NBPF12: variants seen among roughly 807,000 people sequenced by gnomAD.
NBPF12 encodes the protein NBPF family member NBPF12.
NBPF12 carries 115 observed loss-of-function variants against 146.4 expected under a neutral mutation model. That is an observed-to-expected ratio of 0.79 (90% CI 0.68 to 0.92). The LOEUF is 0.92. NBPF12 is among the 40% of genes least tolerant of loss of function. The pLI is 0.00. For synonymous variants in NBPF12, 385 were observed against 508.9 expected, an observed-to-expected ratio of 0.76 and a Z score of 3.28; for missense variants, 1,205 against 1,326.8, an observed-to-expected ratio of 0.91 and a Z score of 1.43.
At chr1:146,965,901 A>C (rs1656171955) in intron 8 of NBPF12, among the ~76,000 whole-genome samples, 2 of 149,776 alleles carry the variant, frequency 1.3e-5, no homozygotes, top group African/African-American at 4.9e-5. Context: ...TGAGCTCAGG[A>C]GATCGAAACC....
In NBPF12 at chr1:146,993,582, G is replaced by T; in HGVS notation, c.4022-17G>T. ...GAATCAGCTTAATGTGTCTGTCCAT[G>T]TCTGAATTTATTGCAGAAATTGAAA... On this transcript the variant is annotated splice_polypyrimidine_tract_variant and intron_variant, in intron 32 of 33. Coordinates refer to ENST00000617844, the Ensembl canonical transcript of NBPF12. The T allele has an allele frequency of 2.5e-5, 1 of 40,356 alleles. No individual in the cohort carries two copies. Among genetic ancestry groups the T allele is most frequent in the South Asian group, 2.0e-4 (1 of 4,896 alleles). The allele number at this position is 40,356 out of a possible 1,614,324, so 2.5% of individuals were successfully genotyped here. A position where few individuals can be genotyped will look rare whatever the true frequency, so the allele number is the denominator to read the frequency against.
intron 23 of NBPF12, among the ~76,000 whole-genome samples, 178 bp from the exon 27 acceptor site, chr1:146,986,174 C>T (rs1483518574): frequency 6.7e-6 from 1 of 148,222 alleles, no homozygotes; most frequent in Non-Finnish European, 1.5e-5. Context: ...TCTTCTCTTT[C>T]ATTCTTTTCT....
chr1:146,968,626 T>A lies in NBPF12; in HGVS notation c.1091+76T>A, dbSNP rs71230969. On this transcript the variant is annotated intron_variant, in intron 10 of 33. Transcript: ENST00000617844. ...AAGTACAACAGCTCGGTGGGGAGAC[T>A]TAAGAGCTAAGCTGGGCCAGGGGAA... The A allele has an allele frequency of 1.5e-5, 21 of 1,363,508 alleles. No individual in the cohort carries two copies. The East Asian group carries it at 1.8e-4, about 12-fold the overall frequency. 84.5% of individuals were successfully genotyped at this position (1,363,508 alleles called of 1,614,324 possible).
At chr1:146,964,363 A>G (rs1656056163) in exon 7 of NBPF12, 4 of 1,602,664 alleles carry the variant, frequency 2.5e-6, no homozygotes, top group Non-Finnish European at 3.4e-6. Context: ...ATAGAAAATG[A>G]TGAAGATGAG....
intron 15 of NBPF12, among the ~76,000 whole-genome samples, chr1:146,975,312 G>T (rs1656915786): frequency 7.7e-6 from 1 of 129,254 alleles, no homozygotes; most frequent in African/African-American, 3.2e-5. Context: ...TTCTGTACAT[G>T]GCTTTGTATC....
chr1:146,987,759 G>GTC (rs1307714267), intron 25 of NBPF12, among the ~76,000 whole-genome samples, 195 bp from the exon 29 acceptor site: 1 of 151,406 alleles, frequency 6.6e-6, no homozygotes. Context: ...GTGTGTGTGT[G>GTC]TCTGTCTTTC....
At chr1:146,962,898 G>A (rs1178985360) in intron 5 of NBPF12, among the ~76,000 whole-genome samples, 197 bp from the exon 9 acceptor site, 1 of 151,084 alleles carries the variant, frequency 6.6e-6, no homozygotes, top group East Asian at 1.9e-4. Flanking sequence ...GATCTTGCAG[G>A]AGCCCTCTCT....
At chr1:146,953,503 C>G (rs1655413064) in intron 2 of NBPF12, among the ~76,000 whole-genome samples, 1 of 137,536 alleles carries the variant, frequency 7.3e-6, no homozygotes, top group Non-Finnish European at 1.5e-5. Context: ...GCCACCATGC[C>G]CGGCCTCTTT....
chr1:146,957,827 GA>G lies in NBPF12; in HGVS notation c.-183-2022del, dbSNP rs1208926833. On this transcript the variant is annotated intron_variant, in intron 2 of 33. Transcript: ENST00000617844. ...AGCCCTCGCTCCGCCACTTAAAAAA[GA>G]AAAAAAAAATATAATATATATATAT... Among the ~76,000 whole-genome samples the G allele has an allele frequency of 2.2e-3, 174 of 79,066 alleles. 20 individuals carry two copies. Among genetic ancestry groups the G allele is most frequent in the African/African-American group, 7.4e-3 (157 of 21,314 alleles). 51.9% of individuals were successfully genotyped at this position (79,066 alleles called of 152,430 possible).
At chr1:146,941,940 CCTCCA>C (rs1654826646) in intron 1 of NBPF12, among the ~76,000 whole-genome samples, 1 of 149,200 alleles carries the variant, frequency 6.7e-6, no homozygotes, top group African/African-American at 2.5e-5. Flanking sequence ...CTCACTGCCA[CCTCCA>C]CCTCCTGGCT....
chr1:146,957,645 C>T (rs1655652699), intron 2 of NBPF12: 1 of 132,366 alleles, frequency 7.6e-6, no homozygotes, highest in African/African-American at 2.7e-5. Flanking sequence ...TCCCGTCCGC[C>T]ACGAGGCTGT....
chr1:146,974,940 G>A (rs1656884903), intron 15 of NBPF12, 99 bp downstream of exon 18: 5 of 586,266 alleles, frequency 8.5e-6, no homozygotes, highest in Non-Finnish European at 1.4e-5. Context: ...TGGGCCAGGG[G>A]AAGGGCAGGA....
intron 10 of NBPF12, 29 bp downstream of exon 13, chr1:146,968,579 G>C (rs1417896307): frequency 1.3e-6 from 2 of 1,557,110 alleles, no homozygotes; most frequent in African/African-American, 1.4e-5. Context: ...GGCAGGCAGG[G>C]GGGCAGGTGT....
At chr1:146,995,921 GTC>G (rs1658513102) in exon 34 of NBPF12, 1 of 150,502 alleles carries the variant, frequency 6.6e-6, no homozygotes, top group South Asian at 2.1e-4. Flanking sequence ...CCCTGCCTGT[GTC>G]TATTATTATA....
intron 18 of NBPF12, among the ~76,000 whole-genome samples, chr1:146,978,331 C>T (rs1657180281): frequency 7.3e-6 from 1 of 137,874 alleles, no homozygotes; most frequent in Non-Finnish European, 1.5e-5. Flanking sequence ...GTGGCACCAT[C>T]TTGACTTGGT....
chr1:146,978,335 A>G (rs1290012064), intron 18 of NBPF12, among the ~76,000 whole-genome samples: 6 of 133,864 alleles, frequency 4.5e-5, no homozygotes, highest in Non-Finnish European at 9.2e-5. Flanking sequence ...CACCATCTTG[A>G]CTTGGTGCAA....
chr1:146,970,529 G>A (rs1327235715), intron 11 of NBPF12, 118 bp from the exon 15 acceptor site: 24 of 1,335,332 alleles, frequency 1.8e-5, no homozygotes, highest in Non-Finnish European at 6.4e-6. Flanking sequence ...TAAAACATGA[G>A]AGTTTTCAGT....
chr1:146,994,499 T>C, exon 34 of NBPF12: 1 of 1,609,392 alleles, frequency 6.2e-7, no homozygotes, highest in Admixed American at 1.7e-5. Context: ...GCCCTTGACA[T>C]GGACAATAGC....
intron 1 of NBPF12, among the ~76,000 whole-genome samples, chr1:146,939,727 C>G (rs1218634543): frequency 6.6e-6 from 1 of 151,796 alleles, no homozygotes; most frequent in African/African-American, 2.4e-5. Context: ...GAGCTGCTTT[C>G]GAAAGAAGCA....
Sources: gnomAD v4.1 joint callset for allele counts (sites outside exome capture counted in the v4.1 genomes callset) on GRCh38, gnomAD v4.1.1 for gene constraint, MANE v1.5 for transcripts, NCBI Gene and HGNC (gene_info 2026-07-23, HGNC 2026-07-21) for gene names.